ZSCAN5B: variants seen among roughly 807,000 people sequenced by gnomAD.
The protein encoded by ZSCAN5B is zinc finger and SCAN domain containing 5B, also known as zinc finger and SCAN domain-containing protein 5B.
In ZSCAN5B, 26 loss-of-function variants were observed where a neutral mutation model predicts 25.2. The observed-to-expected ratio is 1.03, with a 90% CI of 0.76 to 1.43. The LOEUF (loss-of-function observed/expected upper bound fraction) is 1.43. Ranked by LOEUF, ZSCAN5B falls within the 40% of genes most tolerant of loss-of-function variation. The pLI is 0.00. For missense variants in ZSCAN5B, 745 were observed against 622.1 expected (o/e 1.20, Z -2.10); for synonymous variants, 244 against 240.9 (o/e 1.01, Z -0.12).
At chr19:56,193,456 A>G (rs770527950) in intron 1 of ZSCAN5B, among the ~76,000 whole-genome samples, 1 of 152,202 alleles carries the variant, frequency 6.6e-6, no homozygotes, top group African/African-American at 2.4e-5. Context: ...ATTAAATCGG[A>G]TATGTATGTG....
chr19:56,196,159 C>A (rs978877652), intron 1 of ZSCAN5B, among the ~76,000 whole-genome samples: 2 of 152,204 alleles, frequency 1.3e-5, no homozygotes, highest in Admixed American at 1.3e-4. Flanking sequence ...TCAAGCGATT[C>A]TCCTGCCTCA....
chr19:56,191,288 CT>C (rs1448625876), intron 3 of ZSCAN5B, among the ~76,000 whole-genome samples: 6 of 152,210 alleles, frequency 3.9e-5, no homozygotes, highest in African/African-American at 1.4e-4. Flanking sequence ...CCCCTAACCC[CT>C]GGCACCATTG....
At chr19:56,191,740 T>G in intron 3 of ZSCAN5B, 110 bp downstream of exon 3, 6 of 1,064,822 alleles carry the variant, frequency 5.6e-6, no homozygotes, top group Non-Finnish European at 8.1e-6. Flanking sequence ...CCATGGGGAA[T>G]GGCTCTAATC....
At position 56,193,929 on chromosome 19, in the gene ZSCAN5B, C is replaced by T. The variant is rs1235856258; in HGVS notation, c.-127-750G>A. 2.0e-5 allele frequency among the ~76,000 whole-genome samples: 3 copies of T among 146,350 alleles called. No homozygotes were observed. The Admixed American group carries it at 2.1e-4, about 10-fold the overall frequency. ...GTGAGATCATGCCACTGCACTCCAG[C>T]CTGGGTGACAGAGTAAGACTCCATC... On this transcript the variant is annotated intron_variant, in intron 1 of 4. Transcript: ENST00000586855.
At chr19:56,197,102 C>T (rs1447503646) in intron 1 of ZSCAN5B, among the ~76,000 whole-genome samples, 10 of 152,134 alleles carry the variant, frequency 6.6e-5, no homozygotes, top group Non-Finnish European at 1.0e-4. Flanking sequence ...ATGAGCGAGA[C>T]CCCGTCTCTG....
intron 1 of ZSCAN5B, among the ~76,000 whole-genome samples, chr19:56,193,541 C>A (rs890002074): frequency 6.6e-6 from 1 of 152,182 alleles, no homozygotes; most frequent in Admixed American, 6.5e-5. Context: ...CAAGGCAAAG[C>A]CCTTAGTCAT....
chr19:56,191,555 G>A lies in ZSCAN5B; in HGVS notation c.588+295C>T, dbSNP rs899428781. Among the ~76,000 whole-genome samples, 10 of 152,242 alleles carry A rather than the reference G, an allele frequency of 6.6e-5. 1 individual carries two copies. The East Asian group carries it at 1.4e-3, about 21-fold the overall frequency. On this transcript the variant is annotated intron_variant, in intron 3 of 4. Transcript: ENST00000586855. The stretch of plus-strand genomic sequence containing the variant: ...GAAATGTCTTTGCGGAAACTGGATG[G>A]GGTAGGGACCTTCAGTTCATTCATC...
chr19:56,196,154 C>T (rs145004478), intron 1 of ZSCAN5B, among the ~76,000 whole-genome samples: 6,890 of 152,240 alleles, frequency 0.045, 298 homozygotes, highest in African/African-American at 0.11. Context: ...CGGGTTCAAG[C>T]GATTCTCCTG....
At chr19:56,196,341 C>A (rs752475104) in intron 1 of ZSCAN5B, among the ~76,000 whole-genome samples, 1 of 151,856 alleles carries the variant, frequency 6.6e-6, no homozygotes, top group Non-Finnish European at 1.5e-5. Context: ...TGTGAGCCAC[C>A]GCACCTGGCC....
intron 3 of ZSCAN5B, 43 bp downstream of exon 3, chr19:56,191,807 C>A: frequency 6.3e-7 from 1 of 1,597,928 alleles, no homozygotes; most frequent in Non-Finnish European, 8.6e-7. Context: ...CCTCCTGTTC[C>A]TTCTCCCACC....
chr19:56,197,808 C>T (rs573556274), exon 1 of ZSCAN5B: 16 of 985,282 alleles, frequency 1.6e-5, no homozygotes, highest in Non-Finnish European at 1.8e-5. Flanking sequence ...TGAACTGCGT[C>T]TATTTATGGA....
chr19:56,191,866 G>GC lies in ZSCAN5B; in HGVS notation c.571dup (p.Ala191GlyfsTer17), dbSNP rs1351182744. The GC allele has an allele frequency of 6.2e-7, 1 of 1,613,816 alleles. No homozygotes were observed. Among genetic ancestry groups the GC allele is most frequent in the East Asian group, 2.2e-5 (1 of 44,870 alleles). On this transcript the variant is annotated frameshift_variant, in exon 3 of 5. Coordinates refer to ENST00000586855, the Ensembl canonical transcript of ZSCAN5B. LOFTEE classifies it high-confidence loss of function. Reference sequence around the variant, plus strand: ...CACACTCACCTGCCTCCTGGACAGTGCAGCGACCCTGGGCAGGATCTGCTG... The same window carrying GC: ...CACACTCACCTGCCTCCTGGACAGTGCCAGCGACCCTGGGCAGGATCTGCTG...
exon 5 of ZSCAN5B, chr19:56,190,554 C>A (rs774868070): frequency 2.5e-6 from 4 of 1,612,564 alleles, no homozygotes; most frequent in Non-Finnish European, 3.4e-6. Flanking sequence ...GGGTTCCTTC[C>A]CCTCCTTTGC....
At chr19:56,195,124 G>A (rs919965182) in intron 1 of ZSCAN5B, among the ~76,000 whole-genome samples, 2 of 152,164 alleles carry the variant, frequency 1.3e-5, no homozygotes, top group Non-Finnish European at 2.9e-5. Context: ...CCTGGAGGGC[G>A]AGTACCCCAC....
At chr19:56,192,728 C>A in exon 2 of ZSCAN5B, 1 of 1,598,378 alleles carries the variant, frequency 6.3e-7, no homozygotes, top group East Asian at 2.2e-5. Flanking sequence ...CAGCTCTGCA[C>A]ACCGTTCACC....
chr19:56,192,246 G>A (rs542103575), intron 2 of ZSCAN5B, among the ~76,000 whole-genome samples, 193 bp from the exon 3 acceptor site: 4 of 152,232 alleles, frequency 2.6e-5, no homozygotes, highest in Non-Finnish European at 4.4e-5. Context: ...ATAAATATGA[G>A]TCATTTAGAT....
rs562788874 is a variant in ZSCAN5B at position 56,196,763 on chromosome 19, G to T, written c.-128+971C>A. Among the ~76,000 whole-genome samples, 39 of 152,220 alleles carry T rather than the reference G, an allele frequency of 2.6e-4. No individual in the cohort carries two copies. In the East Asian group the frequency reaches 7.2e-3, roughly 28 times the overall value. ...GGGAGACACATCCAGCGGCCATCTC[G>T]TTTTGTTTATTTATTAAGTAAATCG... On this transcript the variant is annotated intron_variant, in intron 1 of 4. Coordinates refer to ENST00000586855, the Ensembl canonical transcript of ZSCAN5B.
At chr19:56,194,978 G>C (rs2032790989) in intron 1 of ZSCAN5B, among the ~76,000 whole-genome samples, 1 of 152,116 alleles carries the variant, frequency 6.6e-6, no homozygotes, top group African/African-American at 2.4e-5. Flanking sequence ...TACTCTCCAG[G>C]CATCAATTAT....
exon 5 of ZSCAN5B, chr19:56,190,175 G>T: frequency 6.2e-7 from 1 of 1,614,044 alleles, no homozygotes. Context: ...GAAAGGGTCT[G>T]TCTCCTGTGT....
Sources: allele counts gnomAD v4.1 joint callset (sites outside exome capture counted in the v4.1 genomes callset), GRCh38; gene constraint gnomAD v4.1.1; transcripts MANE v1.5; gene names NCBI Gene and HGNC (gene_info 2026-07-23, HGNC 2026-07-21).